Variants in EGFR observed in about 807,000 individuals in gnomAD.
The protein encoded by EGFR is epidermal growth factor receptor, also known as avian erythroblastic leukemia viral (v-erb-b) oncogene homolog.
EGFR carries 58 observed loss-of-function variants against 143.0 expected under a neutral mutation model. The ratio of observed to expected loss-of-function variants is 0.41; its 90% CI spans 0.33 to 0.50. The LOEUF is 0.50. Ranked by LOEUF, EGFR falls within the 20% of genes least tolerant of loss-of-function variation. The probability of loss-of-function intolerance (pLI) is 0.39; values close to 1 mark genes in which losing one functional copy is unlikely to be tolerated. For missense variants in EGFR, 1,307 were observed against 1,579.0 expected (o/e 0.83, Z 2.92); for synonymous variants, 613 against 594.4 (o/e 1.03, Z -0.45).
chr7:55,051,767 G>C (rs897490047), intron 1 of EGFR, among the ~76,000 whole-genome samples: 1 of 152,096 alleles, frequency 6.6e-6, no homozygotes, highest in African/African-American at 2.4e-5. Flanking sequence ...ACTCTCCAGG[G>C]TCATGCCACC....
chr7:55,167,264 TGA>T, intron 15 of EGFR, among the ~76,000 whole-genome samples: 1 of 126,390 alleles, frequency 7.9e-6, no homozygotes, highest in Admixed American at 7.6e-5. Flanking sequence ...GTGGTGGTGG[TGA>T]TGGTGGTGAT....
chr7:55,050,403 G>A (rs150807944), intron 1 of EGFR, among the ~76,000 whole-genome samples: 11 of 152,280 alleles, frequency 7.2e-5, no homozygotes, highest in East Asian at 3.9e-4. Flanking sequence ...GTTCATCCAC[G>A]TTGCAGCATA....
intron 20 of EGFR, among the ~76,000 whole-genome samples, chr7:55,190,303 T>C (rs187470153): frequency 2.0e-5 from 3 of 152,206 alleles, no homozygotes; most frequent in East Asian, 3.9e-4. Context: ...GGACAGTCCA[T>C]GTAGTCATGA....
intron 4 of EGFR, 142 bp downstream of exon 4, chr7:55,146,882 G>A: frequency 7.9e-7 from 1 of 1,265,860 alleles, no homozygotes; most frequent in Middle Eastern, 1.9e-4. Flanking sequence ...CTGACCACTA[G>A]AAAAGCATGT....
intron 21 of EGFR, among the ~76,000 whole-genome samples, chr7:55,192,448 G>A (rs969571494): frequency 6.6e-6 from 1 of 152,192 alleles, no homozygotes; most frequent in Non-Finnish European, 1.5e-5. Flanking sequence ...GCTCCTAGCA[G>A]CCACCAACCC....
rs1457254982 is a variant in EGFR, at chr7:55,153,896, G to A, written c.748-115G>A. 5.3e-6 allele frequency: 8 copies of A among 1,503,964 alleles called. No homozygotes were observed. The East Asian group carries it at 6.8e-5, about 13-fold the overall frequency. The allele number at this position is 1,503,964 out of a possible 1,614,324, so 93.2% of individuals were successfully genotyped here. A position where few individuals can be genotyped will look rare whatever the true frequency, so the allele number is the denominator to read the frequency against. ...TCCCACACTAGTGGAACACTAGGCT[G>A]CAAAGACAGTAACTTGGGCTTTCTG... On this transcript the variant is annotated intron_variant, in intron 6 of 27. Transcript: ENST00000275493.
In EGFR at chr7:55,067,944, A is replaced by G. The variant is rs371905210; in HGVS notation, c.88+48579A>G. Among the ~76,000 whole-genome samples, 69 of 150,356 alleles carry G rather than the reference A, an allele frequency of 4.6e-4. 6 individuals carry two copies. The highest frequency in any genetic ancestry group is 1.6e-3 in the African/African-American group (64 of 40,196). ...TGTGTGTCTGCGCACGTGTGTATGC[A>G]TGTATATGGGTATGTGTGTACGTGT... On this transcript the variant is annotated intron_variant, in intron 1 of 27. Coordinates refer to ENST00000275493, the MANE Select transcript of EGFR (RefSeq NM_005228.5).
In EGFR at chr7:55,113,738, T is replaced by C. The variant is rs114737158; in HGVS notation, c.89-28548T>C. On this transcript the variant is annotated intron_variant, in intron 1 of 27. Coordinates refer to ENST00000275493, the MANE Select transcript of EGFR (RefSeq NM_005228.5). ...TCTGATACAAACATCCCTGAATGTT[T>C]AGCTTTGACAGAGATTCCAAGGTGA... Among the ~76,000 whole-genome samples, 1,389 of 152,376 alleles carry C rather than the reference T, an allele frequency of 9.1e-3. 26 individuals are homozygous for C. The highest frequency in any genetic ancestry group is 0.031 in the African/African-American group (1,289 of 41,590).
intron 1 of EGFR, among the ~76,000 whole-genome samples, chr7:55,062,712 G>A (rs1177518985): frequency 6.6e-6 from 1 of 152,124 alleles, no homozygotes. Flanking sequence ...TGAATTCTCA[G>A]TTTCCTTTTT....
In EGFR at chr7:55,163,534, A is replaced by G. The variant is rs559622700; in HGVS notation, c.1632-199A>G. Among the ~76,000 whole-genome samples, 10 of 152,328 alleles carry G rather than the reference A, an allele frequency of 6.6e-5. No homozygotes were observed. The South Asian group carries it at 2.1e-3, about 32-fold the overall frequency. ...AGCAGAAAAGATATCTTGATTATGA[A>G]TGAAGCTCCTGTGTTTACTCAGAGA... On this transcript the variant is annotated intron_variant, in intron 13 of 27. Coordinates refer to ENST00000275493, the MANE Select transcript of EGFR (RefSeq NM_005228.5).
At chr7:55,157,049 A>C in intron 10 of EGFR, 1 of 1,221,416 alleles carries the variant, frequency 8.2e-7, no homozygotes, top group Non-Finnish European at 1.1e-6. Context: ...CGGTGTAAAC[A>C]CGCTTTCTCC....
At chr7:55,205,058 C>T (rs948221834) in intron 27 of EGFR, among the ~76,000 whole-genome samples, 198 bp from the exon 28 acceptor site, 1 of 152,122 alleles carries the variant, frequency 6.6e-6, no homozygotes, top group Non-Finnish European at 1.5e-5. Context: ...TTACAAAAGA[C>T]ACATATGTCC....
chr7:55,046,958 T>C (rs938074191), intron 1 of EGFR, among the ~76,000 whole-genome samples: 2 of 152,216 alleles, frequency 1.3e-5, no homozygotes, highest in Non-Finnish European at 2.9e-5. Context: ...TAAAAATTAA[T>C]GTGCCTTATT....
chr7:55,181,172 C>A, intron 19 of EGFR, 121 bp from the exon 20 acceptor site: 1 of 1,221,804 alleles, frequency 8.2e-7, no homozygotes. Context: ...GCTTTTCCTC[C>A]ATGAGTACGT....
At chr7:55,154,556 A>G (rs1250768054) in intron 7 of EGFR, among the ~76,000 whole-genome samples, 6 of 152,270 alleles carry the variant, frequency 3.9e-5, no homozygotes, top group Non-Finnish European at 8.8e-5. Flanking sequence ...CACCGAAATC[A>G]GAGAGTCTAT....
intron 1 of EGFR, among the ~76,000 whole-genome samples, chr7:55,057,021 A>G (rs955403485): frequency 6.6e-6 from 1 of 152,188 alleles, no homozygotes; most frequent in Non-Finnish European, 1.5e-5. Flanking sequence ...TTGAAGGCAC[A>G]AGGATGCGCA....
chr7:55,167,884 C>G (rs1358906897), intron 15 of EGFR, among the ~76,000 whole-genome samples: 2 of 152,116 alleles, frequency 1.3e-5, no homozygotes, highest in African/African-American at 4.8e-5. Flanking sequence ...GACATAATGA[C>G]AGTGGACATC....
At chr7:55,066,354 A>G (rs1347072069) in intron 1 of EGFR, among the ~76,000 whole-genome samples, 3 of 152,248 alleles carry the variant, frequency 2.0e-5, no homozygotes, top group African/African-American at 7.2e-5. Flanking sequence ...CCTTTTTTAA[A>G]TACAAAGAAA....
chr7:55,104,636 T>C (rs1792021962), intron 1 of EGFR, among the ~76,000 whole-genome samples: 1 of 152,192 alleles, frequency 6.6e-6, no homozygotes, highest in East Asian at 1.9e-4. Flanking sequence ...TGGAAATATG[T>C]CGGCGTGTGA....
Sources: gnomAD v4.1 joint callset for allele counts (sites outside exome capture counted in the v4.1 genomes callset) on GRCh38, gnomAD v4.1.1 for gene constraint, MANE v1.5 for transcripts, NCBI Gene and HGNC (gene_info 2026-07-23, HGNC 2026-07-21) for gene names.